The following PLXNA4 variants were observed in gnomAD, a reference collection of about 807,000 sequenced individuals.
The protein encoded by PLXNA4 is plexin-A4.
PLXNA4 carries 44 observed loss-of-function variants against 191.8 expected under a neutral mutation model. That is an observed-to-expected ratio of 0.23 (90% confidence interval 0.18 to 0.29). PLXNA4 has a LOEUF of 0.29. Ranked by LOEUF, PLXNA4 falls within the 10% of genes least tolerant of loss-of-function variation. The pLI is 1.00. For synonymous variants in PLXNA4, 1,082 were observed against 1,009.5 expected, an observed-to-expected ratio of 1.07 and a Z score of -1.36; for missense variants, 1,800 against 2,488.8, an observed-to-expected ratio of 0.72 and a Z score of 5.89.
intron 3 of PLXNA4, among the ~76,000 whole-genome samples, chr7:132,435,861 CCT>C (rs1795452085): frequency 6.6e-6 from 1 of 152,226 alleles, no homozygotes; most frequent in South Asian, 2.1e-4. Context: ...AAGGATAACC[CCT>C]GTGAGGCAAA....
At chr7:132,614,932 C>A (rs1445790200) in intron 2 of PLXNA4, among the ~76,000 whole-genome samples, 1 of 152,134 alleles carries the variant, frequency 6.6e-6, no homozygotes, top group Non-Finnish European at 1.5e-5. Flanking sequence ...AGTTCCAGAG[C>A]CTTCCGGAGC....
intron 3 of PLXNA4, chr7:132,383,987 G>A: frequency 1.0e-6 from 1 of 985,432 alleles, no homozygotes; most frequent in Non-Finnish European, 1.2e-6. Flanking sequence ...CCATCCCTAT[G>A]CAGGTGCACA....
Position 132,431,665 on chromosome 7 carries a change from T to G in PLXNA4, c.1371+57627A>C, listed in dbSNP as rs200131987. The stretch of plus-strand genomic sequence containing the variant: ...CTTTTGGGAACCCTCATGCTCACGA[T>G]TTAGGCCTCTGACCTGCTAGGAACA... On this transcript the variant is annotated intron_variant, in intron 3 of 31. Coordinates refer to ENST00000321063, the MANE Select transcript of PLXNA4 (RefSeq NM_020911.2). 3.9e-4 allele frequency among the ~76,000 whole-genome samples: 60 copies of G among 152,230 alleles called. No homozygotes were observed. The East Asian group carries it at 0.011, about 27-fold the overall frequency.
chr7:132,395,513 A>G (rs1175346052), intron 3 of PLXNA4, among the ~76,000 whole-genome samples: 2 of 152,224 alleles, frequency 1.3e-5, no homozygotes, highest in African/African-American at 4.8e-5. Flanking sequence ...TATTTGAAGT[A>G]TTGCAGGCAG....
chr7:132,256,075 T>C (rs1195085798), intron 4 of PLXNA4, among the ~76,000 whole-genome samples: 1 of 152,166 alleles, frequency 6.6e-6, no homozygotes, highest in Admixed American at 6.5e-5. Context: ...CCGTGCTGTG[T>C]GCCGGCATGT....
chr7:132,461,760 A>C (rs1455399479), intron 3 of PLXNA4, among the ~76,000 whole-genome samples: 2 of 152,238 alleles, frequency 1.3e-5, no homozygotes, highest in Non-Finnish European at 1.5e-5. Flanking sequence ...CAGCGGAGTC[A>C]TTTCAACAAC....
At chr7:132,206,744 C>A (rs1797636041) in intron 10 of PLXNA4, among the ~76,000 whole-genome samples, 1 of 152,144 alleles carries the variant, frequency 6.6e-6, no homozygotes, top group Non-Finnish European at 1.5e-5. Context: ...CAGATGGAGC[C>A]TCTCTGCCTC....
intron 3 of PLXNA4, among the ~76,000 whole-genome samples, chr7:132,330,254 G>T (rs1427702869): frequency 6.6e-6 from 1 of 152,228 alleles, no homozygotes; most frequent in African/African-American, 2.4e-5. Context: ...ATGGTGGGAA[G>T]AAGGTGAAGC....
intron 1 of PLXNA4, among the ~76,000 whole-genome samples, chr7:132,537,852 A>G (rs1345548055): frequency 6.6e-6 from 1 of 152,184 alleles, no homozygotes; most frequent in Non-Finnish European, 1.5e-5. Context: ...TCTGTTGTCA[A>G]TTTCATGGAG....
In PLXNA4 at chr7:132,140,756, T is replaced by C; in HGVS notation, c.5281A>G (p.Ile1761Val). The C allele has an allele frequency of 1.2e-6, 2 of 1,613,888 alleles. No individual in the cohort carries two copies. Among genetic ancestry groups the C allele is most frequent in the Non-Finnish European group, 1.7e-6 (2 of 1,179,990 alleles). ...MIKNPQFVFD[I>V]HKNSITDACL... ...GCGTCTGTGATGCTGTTCTTATGGATGTCAAACACAAACTGCGGGTTCTTG... is the reference window on the plus strand; with the variant it reads ...GCGTCTGTGATGCTGTTCTTATGGACGTCAAACACAAACTGCGGGTTCTTG... Residue 1761 changes from isoleucine to valine, a missense_variant, in exon 30 of 32, where the codon ATC (isoleucine) becomes GTC (valine). By Grantham distance (29) the Ile-to-Val change is conservative. Transcript: ENST00000321063.
intron 5 of PLXNA4, among the ~76,000 whole-genome samples, chr7:132,237,130 C>G (rs892979852): frequency 1.3e-5 from 2 of 152,252 alleles, no homozygotes; most frequent in Non-Finnish European, 2.9e-5. Flanking sequence ...CACTTAAGAT[C>G]TGTGCATCTC....
At chr7:132,167,591 G>C (rs1796159444) in intron 22 of PLXNA4, among the ~76,000 whole-genome samples, 1 of 152,102 alleles carries the variant, frequency 6.6e-6, no homozygotes, top group South Asian at 2.1e-4. Context: ...CTGGAGTGCA[G>C]TGGTGAGATC....
At chr7:132,594,784 G>A (rs756974403) in intron 2 of PLXNA4, among the ~76,000 whole-genome samples, 3 of 152,288 alleles carry the variant, frequency 2.0e-5, no homozygotes, top group South Asian at 2.1e-4. Flanking sequence ...TCCATCCCAC[G>A]TAATTCCAGT....
intron 1 of PLXNA4, among the ~76,000 whole-genome samples, chr7:132,536,785 T>G (rs990878249): frequency 6.6e-6 from 1 of 152,230 alleles, no homozygotes; most frequent in Non-Finnish European, 1.5e-5. Flanking sequence ...GAGGAAATGC[T>G]GCCCTAAACG....
Position 132,532,346 on chromosome 7 carries a change from G to A in PLXNA4, c.-86-23567C>T, listed in dbSNP as rs114078669. The stretch of plus-strand genomic sequence containing the variant: ...ACTTGGTGGCCTTTTATAAACACAG[G>A]TTCCACAGGTCTGGAGTGGGACATG... On this transcript the variant is annotated intron_variant, in intron 1 of 31. Transcript: ENST00000321063. 3.9e-3 allele frequency among the ~76,000 whole-genome samples: 598 copies of A among 152,294 alleles called. 4 individuals carry two copies. Among genetic ancestry groups the A allele is most frequent in the African/African-American group, 0.014 (573 of 41,558 alleles).
chr7:132,288,751 T>A (rs557775304), intron 4 of PLXNA4, among the ~76,000 whole-genome samples: 5 of 152,278 alleles, frequency 3.3e-5, no homozygotes, highest in South Asian at 4.2e-4. Flanking sequence ...ACATGAGACA[T>A]GCCCACAGAC....
At chr7:132,139,529 G>A (rs188179815) in intron 30 of PLXNA4, among the ~76,000 whole-genome samples, 9 of 152,200 alleles carry the variant, frequency 5.9e-5, no homozygotes, top group Non-Finnish European at 1.2e-4. Flanking sequence ...AGTTGCGCAG[G>A]TTATTCACTG....
At chr7:132,564,412 C>T (rs1801618421) in intron 1 of PLXNA4, among the ~76,000 whole-genome samples, 3 of 151,658 alleles carry the variant, frequency 2.0e-5, no homozygotes, top group Non-Finnish European at 4.4e-5. Flanking sequence ...TGCTCCTCCC[C>T]CTCCTTCTCC....
chr7:132,221,214 A>G (rs1798133969), intron 9 of PLXNA4, among the ~76,000 whole-genome samples: 1 of 152,106 alleles, frequency 6.6e-6, no homozygotes, highest in South Asian at 2.1e-4. Context: ...TAAAAGAAAG[A>G]AATTTGGTAC....
Sources: gnomAD v4.1 joint callset for allele counts (sites outside exome capture counted in the v4.1 genomes callset) on GRCh38, gnomAD v4.1.1 for gene constraint, MANE v1.5 for transcripts, NCBI Gene and HGNC (gene_info 2026-07-23, HGNC 2026-07-21) for gene names.